Variants in S100Z observed in about 807,000 individuals in gnomAD.
The protein encoded by S100Z is protein S100-Z.
Under a neutral mutation model 8.5 loss-of-function variants are expected in S100Z, and 11 were observed. The observed-to-expected ratio is 1.30, with a 90% CI of 0.82 to 2.15. S100Z has a LOEUF of 2.15. S100Z is among the 30% of genes most tolerant of loss of function. The pLI, the probability that S100Z is intolerant of heterozygous loss-of-function variation, is 0.00. For synonymous variants in S100Z, 34 were observed against 43.8 expected, an observed-to-expected ratio of 0.78 and a Z score of 0.89; for missense variants, 126 against 117.9, an observed-to-expected ratio of 1.07 and a Z score of -0.32.
chr5:76,929,572 A>G, the S100Z span, among the ~76,000 whole-genome samples: 1 of 152,206 alleles, frequency 6.6e-6, no homozygotes, highest in African/African-American at 2.4e-5. Flanking sequence ...AGTTATTCCA[A>G]TAGAACTCAG....
chr5:76,949,388 CA>C, the S100Z span, among the ~76,000 whole-genome samples: 10,274 of 122,622 alleles, frequency 0.084, 514 homozygotes, highest in African/African-American at 0.18. Context: ...GACTCCATCT[CA>C]AAAAAAAAAT....
At chr5:76,913,429 C>T (rs1424922213) in intron 4 of S100Z, among the ~76,000 whole-genome samples, 1 of 152,212 alleles carries the variant, frequency 6.6e-6, no homozygotes, top group Non-Finnish European at 1.5e-5. Context: ...TCTGCTCAAA[C>T]CTGCGAGCTG....
the S100Z span, among the ~76,000 whole-genome samples, chr5:76,941,287 G>T: frequency 6.6e-6 from 1 of 152,046 alleles, no homozygotes; most frequent in African/African-American, 2.4e-5. Flanking sequence ...ATCTTGAATT[G>T]TCACCCCCAT....
At chr5:76,890,921 G>A (rs1743834291) in intron 4 of S100Z, among the ~76,000 whole-genome samples, 1 of 152,192 alleles carries the variant, frequency 6.6e-6, no homozygotes. Flanking sequence ...GGAGTGCAAT[G>A]GCACAGTCTC....
At chr5:76,949,621 C>T in the S100Z span, among the ~76,000 whole-genome samples, 11 of 152,274 alleles carry the variant, frequency 7.2e-5, no homozygotes, top group East Asian at 1.9e-3. Flanking sequence ...GAATATTACT[C>T]AGTCTGAGAA....
At chr5:76,916,886 G>A (rs56155092) in intron 4 of S100Z, among the ~76,000 whole-genome samples, 3,428 of 152,214 alleles carry the variant, frequency 0.023, 104 homozygotes, top group African/African-American at 0.076. Context: ...AATACTTTGT[G>A]AGGCCAAGGC....
chr5:76,937,617 G>C, the S100Z span, among the ~76,000 whole-genome samples: 1 of 151,756 alleles, frequency 6.6e-6, no homozygotes, highest in East Asian at 1.9e-4. Context: ...GCTGGATGTG[G>C]TGGCACACAT....
At chr5:76,892,999 T>A (rs564566170) in intron 4 of S100Z, among the ~76,000 whole-genome samples, 1 of 152,118 alleles carries the variant, frequency 6.6e-6, no homozygotes, top group African/African-American at 2.4e-5. Context: ...ACAAGGAATT[T>A]CCAGGCCCTC....
intron 4 of S100Z, among the ~76,000 whole-genome samples, chr5:76,899,368 C>T (rs914393837): frequency 6.6e-6 from 1 of 151,464 alleles, no homozygotes; most frequent in African/African-American, 2.4e-5. Flanking sequence ...TAAGTAAGGA[C>T]TTACTCCTAC....
chr5:76,950,763 A>T, the S100Z span, among the ~76,000 whole-genome samples: 1 of 152,238 alleles, frequency 6.6e-6, no homozygotes, highest in Non-Finnish European at 1.5e-5. Flanking sequence ...TTGCTTGAAC[A>T]AACAACTTTC....
intron 4 of S100Z, among the ~76,000 whole-genome samples, chr5:76,911,078 G>T (rs1390298929): frequency 6.6e-6 from 1 of 152,134 alleles, no homozygotes; most frequent in Non-Finnish European, 1.5e-5. Context: ...TGAAGTCTGG[G>T]CATTGGAAGG....
At chr5:76,944,590 C>A in the S100Z span, among the ~76,000 whole-genome samples, 2 of 152,112 alleles carry the variant, frequency 1.3e-5, no homozygotes, top group Non-Finnish European at 2.9e-5. Flanking sequence ...GCTGGCAAGT[C>A]CCACCAAGGT....
At chr5:76,874,212 T>C (rs59892757) in intron 2 of S100Z, among the ~76,000 whole-genome samples, 17,215 of 151,350 alleles carry the variant, frequency 0.11, 2,935 homozygotes, top group African/African-American at 0.37. Flanking sequence ...TTTTTTTTTT[T>C]CAACTGTCCT....
At chr5:76,903,577 G>A (rs1020302354) in intron 4 of S100Z, among the ~76,000 whole-genome samples, 3 of 151,998 alleles carry the variant, frequency 2.0e-5, no homozygotes, top group Admixed American at 6.6e-5. Context: ...TGGGATTGCT[G>A]GGTAGTATGG....
chr5:76,879,755 C>T (rs1426239699), intron 4 of S100Z, among the ~76,000 whole-genome samples: 1 of 152,004 alleles, frequency 6.6e-6, no homozygotes, highest in African/African-American at 2.4e-5. Flanking sequence ...GAGGCATGGC[C>T]AGGGAGAAAG....
intron 4 of S100Z, among the ~76,000 whole-genome samples, chr5:76,892,703 C>T (rs745710354): frequency 6.6e-6 from 1 of 152,142 alleles, no homozygotes; most frequent in Non-Finnish European, 1.5e-5. Context: ...CAAGCAGTTG[C>T]ATTCTTTTGA....
At chr5:76,889,673 C>CAATTTG (rs1743790592) in intron 4 of S100Z, among the ~76,000 whole-genome samples, 2 of 152,202 alleles carry the variant, frequency 1.3e-5, no homozygotes, top group Non-Finnish European at 2.9e-5. Flanking sequence ...AATTAGATTT[C>CAATTTG]AAATAAGTAA....
At chr5:76,875,271 T>C (rs1743146622) in intron 2 of S100Z, 33 bp from the exon 3 acceptor site, 3 of 1,111,250 alleles carry the variant, frequency 2.7e-6, no homozygotes, top group Non-Finnish European at 3.8e-6. Context: ...AATGAAAGTG[T>C]TGGTGTTTCC....
Position 76,921,229 on chromosome 5 carries a change from T to C in S100Z, c.*515T>C, listed in dbSNP as rs1453210907. On this transcript the variant is annotated 3_prime_UTR_variant, in exon 5 of 5. Coordinates refer to ENST00000317593, the MANE Select transcript of S100Z (RefSeq NM_130772.4). ...GCTTAATAAATATACAACTGTATTA[T>C]TATTTTTGTCTGAATAGTATTTTCA... 2 of 152,220 alleles carry C rather than the reference T, an allele frequency of 1.3e-5. No homozygotes were observed. The highest frequency in any genetic ancestry group is 6.5e-5 in the Admixed American group (1 of 15,282). The allele number at this position is 152,220 out of a possible 1,614,324, so 9.4% of individuals were successfully genotyped here. A position where few individuals can be genotyped will look rare whatever the true frequency, so the allele number is the denominator to read the frequency against.
Sources: gnomAD v4.1 joint callset for allele counts (sites outside exome capture counted in the v4.1 genomes callset) on GRCh38, gnomAD v4.1.1 for gene constraint, MANE v1.5 for transcripts, NCBI Gene and HGNC (gene_info 2026-07-23, HGNC 2026-07-21) for gene names.